The following FKBP11 variants were observed in gnomAD, a reference collection of about 807,000 sequenced individuals.
FKBP11 encodes the protein FKBP prolyl isomerase 11.
A neutral mutation model predicts 24.7 loss-of-function variants in FKBP11; 21 were observed. The observed-to-expected ratio is 0.85, with a 90% CI of 0.60 to 1.23. FKBP11 has a LOEUF of 1.23. Among genes scored for constraint, FKBP11 ranks in the 50% most tolerant of loss-of-function variants. The pLI, the probability that FKBP11 is intolerant of heterozygous loss-of-function variation, is 0.00. For synonymous variants in FKBP11, 106 were observed against 100.6 expected (o/e 1.05, Z -0.32); for missense variants, 245 against 248.7 (o/e 0.99, Z 0.10).
upstream of FKBP11, among the ~76,000 whole-genome samples, chr12:48,926,983 T>TA (rs1939982441): frequency 6.6e-6 from 1 of 152,204 alleles, no homozygotes; most frequent in South Asian, 2.1e-4. Context: ...CTAATTTTTG[T>TA]ATTTTTAGTA....
At chr12:48,923,085 T>C in intron 5 of FKBP11, 2 of 936,684 alleles carry the variant, frequency 2.1e-6, no homozygotes, top group Non-Finnish European at 2.8e-6. Context: ...GTGGCGGAGG[T>C]TGTGGTGAGT....
chr12:48,923,332 C>T, intron 5 of FKBP11: 1 of 1,424,524 alleles, frequency 7.0e-7, no homozygotes, highest in Non-Finnish European at 9.1e-7. Context: ...GCAGACTTGG[C>T]TTTAACAGTT....
upstream of FKBP11, among the ~76,000 whole-genome samples, chr12:48,930,946 G>A (rs1412097406): frequency 4.0e-4 from 61 of 151,786 alleles, no homozygotes; most frequent in Admixed American, 3.9e-3. Context: ...TGGCTAACAC[G>A]GTGAAACCCC....
upstream of FKBP11, among the ~76,000 whole-genome samples, chr12:48,928,814 CTA>C (rs1940013223): frequency 8.3e-6 from 1 of 120,332 alleles, no homozygotes; most frequent in Non-Finnish European, 1.8e-5. Context: ...AAATAAACTT[CTA>C]TCTTTTTTTT....
chr12:48,932,840 T>C, the FKBP11 span, among the ~76,000 whole-genome samples: 214 of 152,234 alleles, frequency 1.4e-3, 9 homozygotes, highest in East Asian at 0.038. Flanking sequence ...CTCGCCTGGA[T>C]TGACTGCCAG....
Position 48,924,380 on chromosome 12 carries a change from T to C in FKBP11, c.284-124A>G, listed in dbSNP as rs552994091. 4.5e-6 allele frequency: 6 copies of C among 1,329,062 alleles called. No homozygotes were observed. The East Asian group carries it at 1.2e-4, about 26-fold the overall frequency. 82.3% of individuals were successfully genotyped at this position (1,329,062 alleles called of 1,614,324 possible). On this transcript the variant is annotated intron_variant, in intron 3 of 5. Coordinates refer to ENST00000550765, the MANE Select transcript of FKBP11 (RefSeq NM_016594.3). ...TTCCCTCACTTCTTAAATCTCTGGC[T>C]TCCAATAGGATATGGGACAAGTGGA... is the stretch of plus-strand genomic sequence containing the variant.
At chr12:48,936,905 G>C in the FKBP11 span, 1 of 152,136 alleles carries the variant, frequency 6.6e-6, no homozygotes, top group South Asian at 2.1e-4. Context: ...TAAATCTGAG[G>C]AAACAGAGCA....
Position 48,922,048 on chromosome 12 carries a change from T to C in FKBP11, c.542A>G (p.Asn181Ser), listed in dbSNP as rs374425335. Residue 181 changes from asparagine (N) to serine (S), a missense_variant, in exon 6 of 6, where the codon AAT becomes AGT. Transcript: ENST00000550765. Reference sequence around the variant, plus strand: ...CTTCTTTTTGGAGACTTTGGGTCTATTGGCCTTTCTGTATAGGTGATACCC... The same window carrying C: ...CTTCTTTTTGGAGACTTTGGGTCTACTGGCCTTTCTGTATAGGTGATACCC... ...LIGYHLYRKA[N>S]RPKVSKKKLK... 17 of 1,613,992 alleles carry C rather than the reference T, an allele frequency of 1.1e-5. No individual in the cohort carries two copies. The African/African-American group carries it at 1.6e-4, about 15-fold the overall frequency.
intron 2 of FKBP11, 141 bp from the exon 3 acceptor site, chr12:48,924,789 G>A: frequency 6.8e-7 from 1 of 1,466,398 alleles, no homozygotes; most frequent in Non-Finnish European, 9.0e-7. Context: ...TAAGGAACAG[G>A]AAGCCCCAGA....
Position 48,921,978 on chromosome 12 carries a change from T to C in FKBP11, c.*6A>G. The C allele has an allele frequency of 1.3e-6, 2 of 1,565,396 alleles. No homozygotes were observed. The highest frequency in any genetic ancestry group is 1.7e-6 in the Non-Finnish European group (2 of 1,160,510). ...TGCAAATAAGTTTTTTAAAATTTAT[T>C]ATTTATTATTTCTTTTTGCTCTTGT... is the stretch of plus-strand genomic sequence containing the variant. On this transcript the variant is annotated 3_prime_UTR_variant, in exon 6 of 6. Coordinates refer to ENST00000550765, the MANE Select transcript of FKBP11 (RefSeq NM_016594.3).
At position 48,922,809 on chromosome 12, in the gene FKBP11, C is replaced by T. The variant is rs1008997900; in HGVS notation, c.389-608G>A. The T allele has an allele frequency of 2.4e-5, 24 of 1,011,302 alleles. No individual in the cohort carries two copies. The Admixed American group carries it at 2.8e-4, about 12-fold the overall frequency. 62.6% of individuals were successfully genotyped at this position (1,011,302 alleles called of 1,614,324 possible). The stretch of plus-strand genomic sequence containing the variant: ...TGGGTAAAAGTTTCTCCTTGGTCCC[C>T]CTACCCTCCTTCCAGGCCTTCCTCT... On this transcript the variant is annotated intron_variant, in intron 5 of 5. Coordinates refer to ENST00000550765, the MANE Select transcript of FKBP11 (RefSeq NM_016594.3).
chr12:48,933,758 G>A, the FKBP11 span, among the ~76,000 whole-genome samples: 1 of 150,810 alleles, frequency 6.6e-6, no homozygotes, highest in Non-Finnish European at 1.5e-5. Flanking sequence ...CCAGCAACTC[G>A]GAAAAGGCTG....
At chr12:48,926,517 A>ATTTTT (rs1389912066), upstream of FKBP11, 2 of 77,312 alleles carry the variant, frequency 2.6e-5, no homozygotes, top group African/African-American at 7.4e-5. Context: ...GAGCCACCAG[A>ATTTTT]TTTCTTTTTT....
At chr12:48,933,866 A>C in the FKBP11 span, among the ~76,000 whole-genome samples, 2 of 151,962 alleles carry the variant, frequency 1.3e-5, no homozygotes, top group Non-Finnish European at 2.9e-5. Context: ...GTGTCTCAAA[A>C]AAAAAAAAAG....
chr12:48,937,599 G>C, the FKBP11 span: 1 of 152,418 alleles, frequency 6.6e-6, no homozygotes, highest in African/African-American at 2.4e-5. Flanking sequence ...AAGTGAGTGA[G>C]GATGGCAGGG....
At chr12:48,925,004 C>T (rs1437160684) in intron 2 of FKBP11, 42 bp downstream of exon 2, 1 of 1,576,608 alleles carries the variant, frequency 6.3e-7, no homozygotes, top group Admixed American at 1.8e-5. Flanking sequence ...AGCAGGGCGC[C>T]GCCCCCTCCC....
chr12:48,923,023 C>T (rs746435614), intron 5 of FKBP11: 117 of 741,362 alleles, frequency 1.6e-4, no homozygotes, highest in Admixed American at 4.3e-4. Flanking sequence ...TGGCGCATGC[C>T]TGTAATCCCA....
the FKBP11 span, among the ~76,000 whole-genome samples, chr12:48,932,261 ATTTTTTTTTTTTTTTT>A: frequency 3.3e-3 from 101 of 30,470 alleles, no homozygotes; most frequent in East Asian, 0.042. Flanking sequence ...ATATATATAT[ATTTTTTTTTTTTTTTT>A]TTTTTTTTTT....
At chr12:48,928,908 C>T (rs1186591471), upstream of FKBP11, among the ~76,000 whole-genome samples, 3 of 147,564 alleles carry the variant, frequency 2.0e-5, no homozygotes, top group Non-Finnish European at 4.5e-5. Flanking sequence ...CTGCAAGCTC[C>T]GCCTCCCGGG....
Sources: gnomAD v4.1 joint callset for allele counts (sites outside exome capture counted in the v4.1 genomes callset) on GRCh38, gnomAD v4.1.1 for gene constraint, MANE v1.5 for transcripts, NCBI Gene and HGNC (gene_info 2026-07-23, HGNC 2026-07-21) for gene names.